CYP4Z1: variants seen among roughly 807,000 people sequenced by gnomAD.
CYP4Z1 encodes the protein cytochrome P450 4Z1.
A neutral mutation model predicts 54.2 loss-of-function variants in CYP4Z1; 41 were observed. That is an observed-to-expected ratio of 0.76 (90% CI 0.59 to 0.98). The LOEUF is 0.98. Ranked by LOEUF, CYP4Z1 falls within the 50% of genes least tolerant of loss-of-function variation. The probability of loss-of-function intolerance (pLI) is 0.00; values close to 1 mark genes in which losing one functional copy is unlikely to be tolerated. For synonymous variants in CYP4Z1, 163 were observed against 206.2 expected, an observed-to-expected ratio of 0.79 and a Z score of 1.79; for missense variants, 513 against 599.0, an observed-to-expected ratio of 0.86 and a Z score of 1.50.
At chr1:47,099,374 G>C in intron 8 of CYP4Z1, 90 bp downstream of exon 8, 3 of 1,252,132 alleles carry the variant, frequency 2.4e-6, no homozygotes, top group Non-Finnish European at 3.3e-6. Context: ...ATTGTGCATT[G>C]AGATAGTCTG....
In CYP4Z1 at chr1:47,112,161, G is replaced by C. The variant is rs534892992; in HGVS notation, c.1202-3368G>C. Reference sequence around the variant, plus strand: ...GGAAAGCAGAACGGTTGCAAAACTAGTCAAAAAACACAATAGCCAGTGGGG... The same window carrying C: ...GGAAAGCAGAACGGTTGCAAAACTACTCAAAAAACACAATAGCCAGTGGGG... On this transcript the variant is annotated intron_variant, in intron 9 of 11. Transcript: ENST00000334194. Among the ~76,000 whole-genome samples, 32 of 152,110 alleles carry C rather than the reference G, an allele frequency of 2.1e-4. No individual in the cohort carries two copies. In the South Asian group the frequency reaches 3.3e-3, roughly 16 times the overall value.
At chr1:47,076,844 C>CAAAAAAAAAAAAAAAAAGAAAAAAA (rs1644527029) in intron 2 of CYP4Z1, among the ~76,000 whole-genome samples, 1 of 81,430 alleles carries the variant, frequency 1.2e-5, no homozygotes, top group Non-Finnish European at 2.4e-5. Context: ...GACGCTGTCT[C>CAAAAAAAAAAAAAAAAAGAAAAAAA]AAAAAAAAAA....
At chr1:47,113,599 G>A (rs1283168800) in intron 9 of CYP4Z1, among the ~76,000 whole-genome samples, 1 of 152,152 alleles carries the variant, frequency 6.6e-6, no homozygotes, top group Non-Finnish European at 1.5e-5. Flanking sequence ...AGATGTGAAA[G>A]AATCTTTGCT....
chr1:47,103,978 C>A (rs1403805923), intron 8 of CYP4Z1, among the ~76,000 whole-genome samples: 1 of 152,118 alleles, frequency 6.6e-6, no homozygotes, highest in Non-Finnish European at 1.5e-5. Context: ...GGATATGTTG[C>A]TGGAAAATTA....
intron 7 of CYP4Z1, among the ~76,000 whole-genome samples, chr1:47,098,753 C>T (rs746189174): frequency 2.9e-4 from 44 of 152,078 alleles, no homozygotes; most frequent in Non-Finnish European, 4.7e-4. Context: ...TGGCCACTTG[C>T]GGTCTTTCCT....
intron 6 of CYP4Z1, among the ~76,000 whole-genome samples, chr1:47,088,124 A>G (rs1356655469): frequency 2.6e-5 from 4 of 152,144 alleles, no homozygotes; most frequent in Admixed American, 6.5e-5. Context: ...TTTTTGCATC[A>G]ATGTTCATCA....
At chr1:47,072,883 A>T (rs184055326) in intron 2 of CYP4Z1, among the ~76,000 whole-genome samples, 2,454 of 151,622 alleles carry the variant, frequency 0.016, 61 homozygotes, top group African/African-American at 0.057. Context: ...GCTATTGCCA[A>T]AAATGCTCTT....
intron 9 of CYP4Z1, 51 bp from the exon 10 acceptor site, chr1:47,115,478 A>G (rs74835251): frequency 6.6e-7 from 1 of 1,519,430 alleles, no homozygotes; most frequent in East Asian, 2.3e-5. Context: ...AAAAAAAAAA[A>G]GACAGAATCT....
At chr1:47,079,732 A>T (rs1644550109) in intron 2 of CYP4Z1, among the ~76,000 whole-genome samples, 1 of 152,194 alleles carries the variant, frequency 6.6e-6, no homozygotes, top group Admixed American at 6.5e-5. Context: ...CTTTAAGTGG[A>T]TAGAGGAAGA....
chr1:47,088,151 A>G (rs1644611774), intron 6 of CYP4Z1, among the ~76,000 whole-genome samples: 2 of 152,130 alleles, frequency 1.3e-5, no homozygotes, highest in African/African-American at 4.8e-5. Context: ...TTGGTCTAAA[A>G]TTCTCTTTTT....
upstream of CYP4Z1, among the ~76,000 whole-genome samples, chr1:47,067,194 A>C (rs1237770298): frequency 6.6e-6 from 1 of 152,198 alleles, no homozygotes; most frequent in Non-Finnish European, 1.5e-5. Flanking sequence ...GGGAACTTTT[A>C]GATTCTGGAA....
chr1:47,079,901 G>A (rs1163124179), intron 2 of CYP4Z1, among the ~76,000 whole-genome samples: 1 of 146,602 alleles, frequency 6.8e-6, no homozygotes, highest in Non-Finnish European at 1.5e-5. Context: ...ATACACTAGG[G>A]ACTGAGAGAG....
At chr1:47,088,245 G>A (rs1003003444) in intron 6 of CYP4Z1, among the ~76,000 whole-genome samples, 137 of 152,046 alleles carry the variant, frequency 9.0e-4, no homozygotes, top group African/African-American at 2.7e-3. Context: ...TTTTTCTATC[G>A]ATTGGAATAG....
At chr1:47,098,103 C>T (rs971904029) in intron 7 of CYP4Z1, among the ~76,000 whole-genome samples, 63 of 152,124 alleles carry the variant, frequency 4.1e-4, no homozygotes, top group African/African-American at 1.4e-3. Flanking sequence ...AAGCGTGAGC[C>T]GCTGCACCCA....
intron 7 of CYP4Z1, among the ~76,000 whole-genome samples, chr1:47,095,286 C>A (rs1213797985): frequency 5.9e-5 from 9 of 152,038 alleles, no homozygotes; most frequent in Non-Finnish European, 1.2e-4. Context: ...TTCAACATAT[C>A]CCTCGGTGTT....
intron 9 of CYP4Z1, among the ~76,000 whole-genome samples, chr1:47,114,196 ACGATTC>A (rs1268397919): frequency 9.2e-5 from 14 of 152,252 alleles, no homozygotes; most frequent in Non-Finnish European, 1.9e-4. Flanking sequence ...AAATGGGGAA[ACGATTC>A]CCTTTTTAAT....
intron 9 of CYP4Z1, among the ~76,000 whole-genome samples, chr1:47,114,061 G>A (rs1022494600): frequency 7.2e-5 from 11 of 151,954 alleles, no homozygotes; most frequent in Non-Finnish European, 4.4e-5. Flanking sequence ...CAAGGCTACA[G>A]TAACCAAAAC....
chr1:47,089,516 A>T (rs1052829047), intron 6 of CYP4Z1, among the ~76,000 whole-genome samples: 6 of 151,358 alleles, frequency 4.0e-5, no homozygotes, highest in Non-Finnish European at 7.3e-5. Flanking sequence ...TGTTTCTGGT[A>T]ATGCACAGCG....
At chr1:47,111,046 G>A (rs1484045978) in intron 9 of CYP4Z1, among the ~76,000 whole-genome samples, 1 of 151,988 alleles carries the variant, frequency 6.6e-6, no homozygotes, top group Non-Finnish European at 1.5e-5. Context: ...CCCAAATTAG[G>A]TCTTTACCTC....
Sources: allele counts gnomAD v4.1 joint callset (sites outside exome capture counted in the v4.1 genomes callset), GRCh38; gene constraint gnomAD v4.1.1; transcripts MANE v1.5; gene names NCBI Gene and HGNC (gene_info 2026-07-23, HGNC 2026-07-21).